Variants in CWC27 observed in about 807,000 individuals in gnomAD.
CWC27 encodes spliceosome-associated protein CWC27 homolog.
CWC27 carries 47 observed loss-of-function variants against 63.6 expected under a neutral mutation model. That is an observed-to-expected ratio of 0.74 (90% CI 0.58 to 0.94). The LOEUF (loss-of-function observed/expected upper bound fraction) is 0.94. Among genes scored for constraint, CWC27 ranks in the 40% least tolerant of loss-of-function variants. The pLI, the probability that CWC27 is intolerant of heterozygous loss-of-function variation, is 0.00. For missense variants in CWC27, 495 were observed against 554.3 expected (o/e 0.89, Z 1.07); for synonymous variants, 175 against 179.8 (o/e 0.97, Z 0.22).
chr5:64,967,297 A>G (rs1267673554), intron 11 of CWC27, among the ~76,000 whole-genome samples: 1 of 152,066 alleles, frequency 6.6e-6, no homozygotes, highest in African/African-American at 2.4e-5. Flanking sequence ...TCAACATGGC[A>G]GGTTAAGTCA....
chr5:64,864,873 CA>C (rs2112316285), intron 10 of CWC27, among the ~76,000 whole-genome samples: 1 of 152,128 alleles, frequency 6.6e-6, no homozygotes, highest in South Asian at 2.1e-4. Context: ...TCCATCACCT[CA>C]TATCCTTGTT....
At chr5:64,945,460 G>T (rs1748574726) in intron 11 of CWC27, among the ~76,000 whole-genome samples, 1 of 152,140 alleles carries the variant, frequency 6.6e-6, no homozygotes, top group African/African-American at 2.4e-5. Context: ...TGAGCATTAA[G>T]TTGCCTAAAC....
chr5:65,014,899 G>A (rs1750024291), intron 13 of CWC27, among the ~76,000 whole-genome samples: 1 of 152,204 alleles, frequency 6.6e-6, no homozygotes, highest in Non-Finnish European at 1.5e-5. Flanking sequence ...TTATTGCCAA[G>A]TAACTAGCCA....
At chr5:64,812,963 T>C (rs1266374402) in intron 10 of CWC27, among the ~76,000 whole-genome samples, 1 of 152,128 alleles carries the variant, frequency 6.6e-6, no homozygotes, top group Non-Finnish European at 1.5e-5. Context: ...GAACAAAAAT[T>C]GCCATTTTTG....
At chr5:64,778,115 G>A (rs905951745) in intron 2 of CWC27, among the ~76,000 whole-genome samples, 1 of 152,086 alleles carries the variant, frequency 6.6e-6, no homozygotes, top group African/African-American at 2.4e-5. Flanking sequence ...AAGTAATAAA[G>A]ACCTCTTTCA....
At chr5:64,906,360 T>C (rs1420319936) in intron 11 of CWC27, among the ~76,000 whole-genome samples, 1 of 152,218 alleles carries the variant, frequency 6.6e-6, no homozygotes, top group East Asian at 1.9e-4. Context: ...ACGATTGCCA[T>C]TCTAACTGCT....
intron 11 of CWC27, among the ~76,000 whole-genome samples, chr5:64,939,298 G>A (rs751236861): frequency 1.2e-4 from 18 of 152,158 alleles, no homozygotes; most frequent in Admixed American, 3.3e-4. Context: ...TTGTCTTGTC[G>A]GCGTCCTTTT....
chr5:64,918,957 GT>G (rs1747942041), intron 11 of CWC27, among the ~76,000 whole-genome samples: 1 of 152,132 alleles, frequency 6.6e-6, no homozygotes, highest in Non-Finnish European at 1.5e-5. Flanking sequence ...AAAATGAATG[GT>G]GTTATATAAA....
chr5:64,798,317 A>G (rs1343015869), intron 7 of CWC27, among the ~76,000 whole-genome samples: 1 of 152,140 alleles, frequency 6.6e-6, no homozygotes, highest in Non-Finnish European at 1.5e-5. Flanking sequence ...ACCCCATGGA[A>G]TTGTGGAATA....
intron 2 of CWC27, among the ~76,000 whole-genome samples, chr5:64,777,238 C>T (rs573664932): frequency 9.3e-4 from 141 of 152,184 alleles, no homozygotes; most frequent in African/African-American, 3.2e-3. Context: ...GTCCACACTT[C>T]ATTGCTTATC....
At chr5:64,921,983 C>T (rs1192483295) in intron 11 of CWC27, among the ~76,000 whole-genome samples, 1 of 152,156 alleles carries the variant, frequency 6.6e-6, no homozygotes, top group East Asian at 1.9e-4. Flanking sequence ...TGAAAATAGG[C>T]CCCCAGTCAC....
intron 11 of CWC27, among the ~76,000 whole-genome samples, chr5:64,961,245 A>G (rs542500259): frequency 6.6e-6 from 1 of 152,196 alleles, no homozygotes; most frequent in Non-Finnish European, 1.5e-5. Flanking sequence ...GATAACTCAC[A>G]TGAGACACTA....
intron 11 of CWC27, among the ~76,000 whole-genome samples, chr5:64,910,473 C>T (rs1378410002): frequency 1.3e-5 from 2 of 152,228 alleles, no homozygotes; most frequent in South Asian, 2.1e-4. Context: ...ACAACCACTG[C>T]TCTCTTCAGA....
chr5:64,855,947 T>TA (rs973152472), intron 10 of CWC27, among the ~76,000 whole-genome samples: 1 of 152,032 alleles, frequency 6.6e-6, no homozygotes, highest in African/African-American at 2.4e-5. Flanking sequence ...AAGAAATCCA[T>TA]AATATGAACA....
intron 11 of CWC27, among the ~76,000 whole-genome samples, chr5:64,910,062 G>A (rs958103733): frequency 6.6e-6 from 1 of 152,148 alleles, no homozygotes; most frequent in African/African-American, 2.4e-5. Flanking sequence ...CATCTTTGTG[G>A]TTTTATCTAC....
At chr5:64,850,891 C>CA (rs58656676) in intron 10 of CWC27, among the ~76,000 whole-genome samples, 52,778 of 151,364 alleles carry the variant, frequency 0.35, 9,572 homozygotes, top group East Asian at 0.51. Context: ...GAATGGCTAT[C>CA]AAAAAAAAGT....
chr5:64,882,009 A>G (rs1746949179), intron 10 of CWC27, among the ~76,000 whole-genome samples: 1 of 152,214 alleles, frequency 6.6e-6, no homozygotes, highest in Admixed American at 6.5e-5. Context: ...TTCCCTGTGC[A>G]GCGGCTACCC....
chr5:64,986,981 C>G (rs1749446485), intron 13 of CWC27, among the ~76,000 whole-genome samples: 1 of 152,104 alleles, frequency 6.6e-6, no homozygotes, highest in South Asian at 2.1e-4. Context: ...CTTTCAAGCT[C>G]TTTACATGTT....
rs1747417663 is a variant in CWC27 at position 64,897,898 on chromosome 5, G to A, written c.1042+12352G>A. On this transcript the variant is annotated intron_variant, in intron 11 of 13. Coordinates refer to ENST00000381070, the MANE Select transcript of CWC27 (RefSeq NM_005869.4). The stretch of plus-strand genomic sequence containing the variant: ...ATAACATAAACTCAAAATCTATGAA[G>A]CAAAAACTGATAGACCTAGAATAAG... Among the ~76,000 whole-genome samples, 3 of 152,050 alleles carry A rather than the reference G, an allele frequency of 2.0e-5. No homozygotes were observed. The South Asian group carries it at 6.2e-4, about 32-fold the overall frequency.
Sources: allele counts gnomAD v4.1 joint callset (sites outside exome capture counted in the v4.1 genomes callset), GRCh38; gene constraint gnomAD v4.1.1; transcripts MANE v1.5; gene names NCBI Gene and HGNC (gene_info 2026-07-23, HGNC 2026-07-21).